Variants in TGFA observed in about 807,000 individuals in gnomAD.
The protein encoded by TGFA is protransforming growth factor alpha.
A neutral mutation model predicts 21.7 loss-of-function variants in TGFA; 12 were observed. The ratio of observed to expected loss-of-function variants is 0.55; its 90% CI spans 0.35 to 0.90. The LOEUF (loss-of-function observed/expected upper bound fraction) is 0.90. Ranked by LOEUF, TGFA falls within the 40% of genes least tolerant of loss-of-function variation. The pLI is 0.01. For synonymous variants in TGFA, 79 were observed against 88.1 expected (o/e 0.90, Z 0.58); for missense variants, 178 against 210.8 (o/e 0.84, Z 0.96).
At chr2:70,465,790 C>T (rs1165395799) in intron 2 of TGFA, 54 bp from the exon 3 acceptor site, 1 of 1,602,940 alleles carries the variant, frequency 6.2e-7, no homozygotes, top group Non-Finnish European at 8.5e-7. Context: ...ACATGCAAAC[C>T]CCACACCTCC....
At chr2:70,499,237 G>C (rs901194425) in intron 2 of TGFA, among the ~76,000 whole-genome samples, 1 of 152,146 alleles carries the variant, frequency 6.6e-6, no homozygotes, top group Non-Finnish European at 1.5e-5. Context: ...GGCCTTCCCG[G>C]TCTCCTTGGA....
intron 1 of TGFA, among the ~76,000 whole-genome samples, chr2:70,549,461 A>G (rs1299881838): frequency 6.6e-6 from 1 of 152,034 alleles, no homozygotes; most frequent in African/African-American, 2.4e-5. Flanking sequence ...AGCCAGGCAA[A>G]CCTCCCACCT....
At chr2:70,468,980 G>T (rs1178799151) in intron 2 of TGFA, among the ~76,000 whole-genome samples, 1 of 152,170 alleles carries the variant, frequency 6.6e-6, no homozygotes, top group Non-Finnish European at 1.5e-5. Context: ...GTGTCAAAAA[G>T]GTTGGGGGCT....
At chr2:70,497,117 G>C (rs570509349) in intron 2 of TGFA, among the ~76,000 whole-genome samples, 1 of 152,220 alleles carries the variant, frequency 6.6e-6, no homozygotes, top group African/African-American at 2.4e-5. Flanking sequence ...CTGGGAAAAA[G>C]AAAGGAGACC....
intron 2 of TGFA, among the ~76,000 whole-genome samples, chr2:70,476,109 T>TAAAAAAAAAAA (rs1670926055): frequency 1.4e-4 from 11 of 78,494 alleles, no homozygotes; most frequent in East Asian, 8.4e-4. Flanking sequence ...AAAAAAAAAT[T>TAAAAAAAAAAA]AAGAAAATTA....
At chr2:70,508,790 T>C (rs1053915793) in intron 2 of TGFA, among the ~76,000 whole-genome samples, 13 of 152,204 alleles carry the variant, frequency 8.5e-5, no homozygotes, top group South Asian at 4.1e-4. Context: ...ATTGACTTCA[T>C]TCCACTCCTT....
At chr2:70,466,278 G>T (rs557641567) in intron 2 of TGFA, among the ~76,000 whole-genome samples, 1 of 152,350 alleles carries the variant, frequency 6.6e-6, no homozygotes, top group South Asian at 2.1e-4. Flanking sequence ...GGAGGCCGAG[G>T]CAGACGGATC....
intron 3 of TGFA, among the ~76,000 whole-genome samples, chr2:70,462,904 T>C (rs1468135055): frequency 6.6e-6 from 1 of 152,086 alleles, no homozygotes; most frequent in African/African-American, 2.4e-5. Flanking sequence ...GAAAAACTTG[T>C]TAAGAGTTTG....
chr2:70,527,379 T>C (rs911585756), intron 1 of TGFA, among the ~76,000 whole-genome samples: 2 of 152,180 alleles, frequency 1.3e-5, no homozygotes, highest in Non-Finnish European at 2.9e-5. Context: ...TATATGACAG[T>C]CTGAAAAAGG....
intron 2 of TGFA, among the ~76,000 whole-genome samples, chr2:70,497,181 G>A (rs1671602055): frequency 6.6e-6 from 1 of 152,214 alleles, no homozygotes; most frequent in Admixed American, 6.5e-5. Context: ...TACAGATGGA[G>A]TGGGAATGGG....
chr2:70,531,984 A>G (rs1188482700), intron 1 of TGFA, among the ~76,000 whole-genome samples: 1 of 152,242 alleles, frequency 6.6e-6, no homozygotes, highest in African/African-American at 2.4e-5. Flanking sequence ...GAGGTCATCC[A>G]GAGACACTCG....
chr2:70,472,809 G>T (rs1181840319), intron 2 of TGFA, among the ~76,000 whole-genome samples: 1 of 152,226 alleles, frequency 6.6e-6, no homozygotes, highest in Non-Finnish European at 1.5e-5. Context: ...CCATTGCAGA[G>T]CTTACATCAT....
intron 2 of TGFA, among the ~76,000 whole-genome samples, chr2:70,474,937 A>G (rs1553493911): frequency 6.6e-6 from 1 of 151,890 alleles, no homozygotes. Flanking sequence ...CTACTTTCCT[A>G]CAAAGATACT....
At chr2:70,482,875 C>A (rs532260660) in intron 2 of TGFA, among the ~76,000 whole-genome samples, 3 of 152,346 alleles carry the variant, frequency 2.0e-5, no homozygotes, top group East Asian at 1.9e-4. Flanking sequence ...CCTGCTGGCA[C>A]ACCCAGGAGT....
rs576174070 is a variant in TGFA, at chr2:70,517,125, C to T, written c.41-2213G>A. On this transcript the variant is annotated intron_variant, in intron 1 of 5. Coordinates refer to ENST00000295400, the MANE Select transcript of TGFA (RefSeq NM_003236.4). ...AAATTACTTCACCTTCTGTTCCTCA[C>T]CTGTGAGCTCGCAGCTGCTAAACTC... Among the ~76,000 whole-genome samples, 3 of 152,372 alleles carry T rather than the reference C, an allele frequency of 2.0e-5. No individual in the cohort carries two copies. In the South Asian group the frequency reaches 6.2e-4, roughly 32 times the overall value.
At chr2:70,552,384 A>C (rs1673537886) in intron 1 of TGFA, among the ~76,000 whole-genome samples, 2 of 152,252 alleles carry the variant, frequency 1.3e-5, no homozygotes, top group South Asian at 4.1e-4. Context: ...ACAAGGGATA[A>C]TTATATCCAG....
intron 1 of TGFA, chr2:70,553,435 C>A: frequency 7.0e-7 from 1 of 1,423,664 alleles, no homozygotes; most frequent in Non-Finnish European, 9.1e-7. Context: ...AGACACACAG[C>A]TGCGGCGGAT....
chr2:70,468,848 A>C (rs1670651667), intron 2 of TGFA, among the ~76,000 whole-genome samples: 1 of 152,228 alleles, frequency 6.6e-6, no homozygotes, highest in African/African-American at 2.4e-5. Context: ...ATTTCATTAA[A>C]TATTACAATG....
Position 70,512,648 on chromosome 2 carries a change from A to G in TGFA, c.94+2211T>C, listed in dbSNP as rs1257676268. Among the ~76,000 whole-genome samples, 5 of 152,206 alleles carry G rather than the reference A, an allele frequency of 3.3e-5. No homozygotes were observed. The East Asian group carries it at 9.6e-4, about 29-fold the overall frequency. ...AAAAGAATAGTCCCCTTCTGGACAA[A>G]TTTATCAGGTCTGCCCACATCTGCC... On this transcript the variant is annotated intron_variant, in intron 2 of 5. Transcript: ENST00000295400.
Sources: gnomAD v4.1 joint callset for allele counts (sites outside exome capture counted in the v4.1 genomes callset) on GRCh38, gnomAD v4.1.1 for gene constraint, MANE v1.5 for transcripts, NCBI Gene and HGNC (gene_info 2026-07-23, HGNC 2026-07-21) for gene names.